Variants in ATP7B observed in about 807,000 individuals in gnomAD.
The protein encoded by ATP7B is ATPase copper transporting beta.
A neutral mutation model predicts 118.9 loss-of-function variants in ATP7B; 113 were observed. The ratio of observed to expected loss-of-function variants is 0.95; its 90% CI spans 0.82 to 1.11. The LOEUF is 1.11. Among genes scored for constraint, ATP7B ranks in the 50% most tolerant of loss-of-function variants. ATP7B has a pLI of 0.00. For synonymous variants in ATP7B, 777 were observed against 727.4 expected (o/e 1.07, Z -1.10); for missense variants, 1,867 against 1,871.4 (o/e 1.00, Z 0.04).
chr13:51,989,060 T>A (rs73184321), intron 1 of ATP7B, among the ~76,000 whole-genome samples: 14,444 of 151,960 alleles, frequency 0.095, 744 homozygotes, highest in Non-Finnish European at 0.12. Context: ...TATAATTTTT[T>A]AAAAAAAGAT....
Position 51,964,847 on chromosome 13 carries a change from TA to T in ATP7B, c.1869+24del, listed in dbSNP as rs750026178. ...ATATTACTGTTTTTAAAAAGGTGACTACAATTTTTTAATGAATTACTTACCT... is the reference window on the plus strand; with the variant it reads ...ATATTACTGTTTTTAAAAAGGTGACTCAATTTTTTAATGAATTACTTACCT... On this transcript the variant is annotated intron_variant, in intron 5 of 20. Transcript: ENST00000242839. 1.2e-5 allele frequency: 19 copies of T among 1,609,618 alleles called. No individual in the cohort carries two copies. In the African/African-American group the frequency reaches 2.5e-4, roughly 22 times the overall value.
At chr13:51,938,609 C>T (rs1403665973) in intron 17 of ATP7B, among the ~76,000 whole-genome samples, 1 of 152,192 alleles carries the variant, frequency 6.6e-6, no homozygotes, top group Non-Finnish European at 1.5e-5. Flanking sequence ...AGGCAGCCAT[C>T]CAGTGGTGCT....
chr13:51,948,067 G>C (rs1957775014), intron 12 of ATP7B, among the ~76,000 whole-genome samples: 1 of 152,174 alleles, frequency 6.6e-6, no homozygotes, highest in Non-Finnish European at 1.5e-5. Context: ...CAATATATCT[G>C]TAAGTTACTT....
At position 51,932,706 on chromosome 13, in the gene ATP7B, C is replaced by G. The variant is rs919981179; in HGVS notation, c.*2050G>C. The G allele has an allele frequency of 2.0e-5, 3 of 152,340 alleles. No individual in the cohort carries two copies. The highest frequency in any genetic ancestry group is 7.2e-5 in the African/African-American group (3 of 41,570). 9.4% of individuals were successfully genotyped at this position (152,340 alleles called of 1,614,324 possible). A position where few individuals can be genotyped will look rare whatever the true frequency, so the allele number is the denominator to read the frequency against. ...TGACAGGAACTTTATTCTAATATTG[C>G]ATGAAATGTTTTTGAAGTAGAAATG... On this transcript the variant is annotated 3_prime_UTR_variant, in exon 21 of 21. Transcript: ENST00000242839.
chr13:51,939,490 T>C (rs909866236), intron 16 of ATP7B, among the ~76,000 whole-genome samples: 1 of 152,256 alleles, frequency 6.6e-6, no homozygotes, highest in African/African-American at 2.4e-5. Flanking sequence ...GGAGCACGTA[T>C]GACACTTTGC....
At position 51,934,967 on chromosome 13, in the gene ATP7B, G is replaced by A. The variant is rs528603867; in HGVS notation, c.4187C>T (p.Thr1396Met). The change falls in exon 21 of 21, where the codon ACG (threonine) becomes ATG (methionine). Residue 1396 changes from threonine (T) to methionine (M), a missense_variant. Coordinates refer to ENST00000242839, the MANE Select transcript of ATP7B (RefSeq NM_000053.4). ...TATGTGCACACTGACCTGGGATGCC[G>A]TCAGGGGCTTCATGTGGCCATGCGC... ...AQAHGHMKPL[T>M]ASQVSVHIGM... 1.9e-5 allele frequency: 30 copies of A among 1,614,048 alleles called. No homozygotes were observed. The highest frequency in any genetic ancestry group is 1.8e-4 in the East Asian group (8 of 44,878).
At chr13:51,964,762 G>T in intron 5 of ATP7B, 110 bp downstream of exon 5, 1 of 1,331,758 alleles carries the variant, frequency 7.5e-7, no homozygotes, top group Non-Finnish European at 1.0e-6. Context: ...AAAAGTTGAA[G>T]AATTTTGGTT....
chr13:51,974,084 C>T lies in ATP7B; in HGVS notation c.1136G>A (p.Gly379Asp), dbSNP rs1286912063. 1 of 1,614,126 alleles carries T rather than the reference C, an allele frequency of 6.2e-7. No individual in the cohort carries two copies. The highest frequency in any genetic ancestry group is 1.1e-5 in the South Asian group (1 of 91,072). ...CACCCCTTCCAGTTGGGAGATCATG[C>T]CTTCAATGGAATGGACACAGGATGC... is the stretch of plus-strand genomic sequence containing the variant. ...TCASCVHSIE[G>D]MISQLEGVQQ... The change falls in exon 2 of 21, where the codon GGC becomes GAC. Residue 379 changes from glycine (G) to aspartate (D), a missense_variant. Gly to Asp is a moderately conservative substitution (Grantham distance 94, BLOSUM62 -1). Transcript: ENST00000242839.
At chr13:52,009,260 G>A (rs1220895957) in intron 1 of ATP7B, among the ~76,000 whole-genome samples, 1 of 152,130 alleles carries the variant, frequency 6.6e-6, no homozygotes, top group Non-Finnish European at 1.5e-5. Flanking sequence ...CTACTGTGAG[G>A]GAGATGAGCA....
chr13:51,942,740 T>G (rs1015167774), intron 14 of ATP7B, among the ~76,000 whole-genome samples, 186 bp from the exon 15 acceptor site: 1 of 152,200 alleles, frequency 6.6e-6, no homozygotes, highest in African/African-American at 2.4e-5. Flanking sequence ...TAGTAACTTG[T>G]AATTATTTCT....
chr13:51,955,693 A>G (rs1267294962), intron 9 of ATP7B, among the ~76,000 whole-genome samples: 1 of 152,190 alleles, frequency 6.6e-6, no homozygotes, highest in South Asian at 2.1e-4. Context: ...TGGAGGAAAC[A>G]TGAGTCAAAA....
rs540674879 is a variant in ATP7B at position 52,005,098 on chromosome 13, T to C, written c.51+6189A>G. Among the ~76,000 whole-genome samples, 13 of 152,312 alleles carry C rather than the reference T, an allele frequency of 8.5e-5. No homozygotes were observed. In the East Asian group the frequency reaches 1.7e-3, roughly 20 times the overall value. Reference sequence around the variant, plus strand: ...TGGCGGGGTATGGTCCTCTCCCTCCTGCCCTCATGGTCCAGGCACTCTGGG... The same window carrying C: ...TGGCGGGGTATGGTCCTCTCCCTCCCGCCCTCATGGTCCAGGCACTCTGGG... On this transcript the variant is annotated intron_variant, in intron 1 of 20. Transcript: ENST00000242839.
At chr13:51,949,613 T>C (rs747860912) in intron 12 of ATP7B, 49 bp downstream of exon 12, 8 of 1,599,342 alleles carry the variant, frequency 5.0e-6, no homozygotes, top group African/African-American at 4.0e-5. Context: ...TCAATGTCAG[T>C]AGATTATTTA....
intron 1 of ATP7B, among the ~76,000 whole-genome samples, chr13:51,982,721 C>A (rs1402571658): frequency 6.6e-6 from 1 of 152,146 alleles, no homozygotes; most frequent in Non-Finnish European, 1.5e-5. Flanking sequence ...AGCTGAGGTA[C>A]CCAGCTCATC....
chr13:51,942,358 C>A (rs1008542300), intron 15 of ATP7B, 28 bp downstream of exon 15: 2 of 1,613,240 alleles, frequency 1.2e-6, no homozygotes, highest in Non-Finnish European at 1.7e-6. Flanking sequence ...TACTTTTAAC[C>A]AGCTGCAGAG....
chr13:51,937,157 G>C, intron 19 of ATP7B, 119 bp downstream of exon 19: 3 of 847,942 alleles, frequency 3.5e-6, no homozygotes, highest in Non-Finnish European at 1.9e-6. Flanking sequence ...AAAAAAAACA[G>C]CCTTTCTAAA....
intron 12 of ATP7B, among the ~76,000 whole-genome samples, chr13:51,946,792 A>G (rs1957693720): frequency 6.6e-6 from 1 of 152,244 alleles, no homozygotes; most frequent in Non-Finnish European, 1.5e-5. Flanking sequence ...GTTTCCTCAT[A>G]CACAAAATGG....
chr13:51,936,580 A>C (rs968382203), intron 19 of ATP7B, among the ~76,000 whole-genome samples: 1 of 152,070 alleles, frequency 6.6e-6, no homozygotes, highest in Non-Finnish European at 1.5e-5. Context: ...GCTACAGTAC[A>C]GTGGTGCGAT....
intron 1 of ATP7B, among the ~76,000 whole-genome samples, chr13:51,981,962 T>C (rs999028337): frequency 6.6e-6 from 1 of 152,032 alleles, no homozygotes; most frequent in Non-Finnish European, 1.5e-5. Context: ...CAACACAAAT[T>C]TGTAAACTTT....
Sources: gnomAD v4.1 joint callset for allele counts (sites outside exome capture counted in the v4.1 genomes callset) on GRCh38, gnomAD v4.1.1 for gene constraint, MANE v1.5 for transcripts, NCBI Gene and HGNC (gene_info 2026-07-23, HGNC 2026-07-21) for gene names.